The following DHRS4L2 variants were observed in gnomAD, a reference collection of about 807,000 sequenced individuals.
DHRS4L2 encodes dehydrogenase/reductase SDR family member 4-like 2.
A neutral mutation model predicts 23.9 loss-of-function variants in DHRS4L2; 22 were observed. The observed-to-expected ratio is 0.92, with a 90% CI of 0.66 to 1.31. The LOEUF (loss-of-function observed/expected upper bound fraction) is 1.31, where lower values mean the gene tolerates loss of function less well. Ranked by LOEUF, DHRS4L2 falls within the 40% of genes most tolerant of loss-of-function variation. DHRS4L2 has a pLI of 0.00. For missense variants in DHRS4L2, 385 were observed against 303.3 expected, an observed-to-expected ratio of 1.27 and a Z score of -2.00; for synonymous variants, 141 against 123.7, an observed-to-expected ratio of 1.14 and a Z score of -0.93.
intron 1 of DHRS4L2, among the ~76,000 whole-genome samples, chr14:23,983,308 A>T (rs544833274): frequency 5.3e-5 from 8 of 151,816 alleles, no homozygotes; most frequent in Non-Finnish European, 1.0e-4. Flanking sequence ...CATTAGAGAC[A>T]TGCAAATCAA....
At chr14:23,998,988 CA>C (rs1321889987) in intron 3 of DHRS4L2, among the ~76,000 whole-genome samples, 1 of 149,334 alleles carries the variant, frequency 6.7e-6, no homozygotes, top group African/African-American at 2.5e-5. Context: ...TTTGCTTAAA[CA>C]CTTACAAGCC....
chr14:23,992,387 A>G (rs1175868122), intron 2 of DHRS4L2, among the ~76,000 whole-genome samples: 4 of 151,574 alleles, frequency 2.6e-5, no homozygotes, highest in Non-Finnish European at 5.9e-5. Flanking sequence ...TTGTATGACC[A>G]TTGTCAGAGA....
At chr14:23,988,631 G>A (rs2034196286), upstream of DHRS4L2, 3 of 374,386 alleles carry the variant, frequency 8.0e-6, no homozygotes, top group Non-Finnish European at 8.8e-6. Context: ...ACAAGCAGAT[G>A]CAGAAGGGCA....
At position 23,990,285 on chromosome 14, in the gene DHRS4L2, G is replaced by C; in HGVS notation, c.232G>C (p.Gly78Arg). 4 of 1,612,572 alleles carry C rather than the reference G, an allele frequency of 2.5e-6. No homozygotes were observed. Among genetic ancestry groups the C allele is most frequent in the Non-Finnish European group, 3.4e-6 (4 of 1,179,272 alleles). ...GGACCAGGCGGTGGCCACGCTGCAGGGGGAGGGGCTGAGCGTGACGGGCAC... is the reference window on the plus strand; with the variant it reads ...GGACCAGGCGGTGGCCACGCTGCAGCGGGAGGGGCTGAGCGTGACGGGCAC... ...NVDQAVATLQ[G>R]EGLSVTGTVC... Residue 78 changes from glycine to arginine, a missense_variant, in exon 2 of 8, where the codon GGG becomes CGG. Gly to Arg is a moderately radical substitution (Grantham distance 125). Transcript: ENST00000335125.
chr14:23,988,714 G>A (rs72692115), upstream of DHRS4L2: 34,618 of 1,247,858 alleles, frequency 0.028, 741 homozygotes, highest in Non-Finnish European at 0.032. Flanking sequence ...AACGGAGAGC[G>A]CTTTGATCAC....
In DHRS4L2 at chr14:24,006,096, C is replaced by G. The variant is rs906950039; in HGVS notation, c.*233C>G. On this transcript the variant is annotated 3_prime_UTR_variant, in exon 8 of 8. Transcript: ENST00000335125. ...GCCTTTCCCACCTCTGCTCACCTTA[C>G]TGTTCACCTCATCAAATCAGTTCTG... The G allele has an allele frequency of 1.4e-6, 2 of 1,459,766 alleles. No individual in the cohort carries two copies. The highest frequency in any genetic ancestry group is 1.5e-5 in the African/African-American group (1 of 68,066). The allele number at this position is 1,459,766 out of a possible 1,614,324, so 90.4% of individuals were successfully genotyped here.
Position 24,005,973 on chromosome 14 carries a change from G to A in DHRS4L2, c.*110G>A, listed in dbSNP as rs777326091. ...ACATCACTGGGGAAACAGTGGTGGT[G>A]GGTGGAGGAACCCCGTCCCGCCTCT... is the stretch of plus-strand genomic sequence containing the variant. On this transcript the variant is annotated 3_prime_UTR_variant, in exon 8 of 8. Coordinates refer to ENST00000335125, the MANE Select transcript of DHRS4L2 (RefSeq NM_198083.4). 1.2e-5 allele frequency: 20 copies of A among 1,611,016 alleles called. No homozygotes were observed. Among genetic ancestry groups the A allele is most frequent in the Non-Finnish European group, 1.6e-5 (19 of 1,179,026 alleles).
upstream of DHRS4L2, chr14:23,988,874 C>G: frequency 6.4e-7 from 1 of 1,557,088 alleles, no homozygotes; most frequent in South Asian, 1.2e-5. Flanking sequence ...GCGGCCCGCC[C>G]TTCGTCCTGC....
intron 1 of DHRS4L2, among the ~76,000 whole-genome samples, chr14:23,970,693 C>A (rs2033837356): frequency 1.3e-5 from 2 of 152,022 alleles, no homozygotes; most frequent in Admixed American, 1.3e-4. Context: ...CCCCATGTAG[C>A]TTGACTGAAA....
chr14:23,997,796 G>A (rs2034410772), intron 3 of DHRS4L2, among the ~76,000 whole-genome samples: 1 of 151,532 alleles, frequency 6.6e-6, no homozygotes, highest in Non-Finnish European at 1.5e-5. Flanking sequence ...ATGAGGGTTG[G>A]AATCAACTTC....
intron 1 of DHRS4L2, 103 bp from the exon 2 acceptor site, chr14:23,990,079 A>G: frequency 6.5e-7 from 1 of 1,540,844 alleles, no homozygotes; most frequent in South Asian, 1.2e-5. Flanking sequence ...TATATAGAGA[A>G]AGAGCCAGAA....
chr14:23,984,945 GC>G (rs2034114511), upstream of DHRS4L2, among the ~76,000 whole-genome samples: 1 of 151,456 alleles, frequency 6.6e-6, no homozygotes. Flanking sequence ...GGGAACAAGG[GC>G]CCTGAGCTTC....
At chr14:23,993,277 G>T (rs1011611212) in intron 2 of DHRS4L2, among the ~76,000 whole-genome samples, 1 of 151,652 alleles carries the variant, frequency 6.6e-6, no homozygotes, top group East Asian at 1.9e-4. Context: ...AATTTAAAGG[G>T]TGCAAGAAAG....
intron 1 of DHRS4L2, among the ~76,000 whole-genome samples, chr14:23,974,646 T>C (rs1275154076): frequency 1.3e-5 from 2 of 151,836 alleles, no homozygotes; most frequent in Non-Finnish European, 2.9e-5. Flanking sequence ...CTAGAAAACC[T>C]AGAAGAATTG....
chr14:23,970,027 T>C (rs531631702), exon 1 of DHRS4L2: 10 of 456,088 alleles, frequency 2.2e-5, no homozygotes, highest in South Asian at 6.1e-5. Flanking sequence ...GAGTCTAGCA[T>C]GTGCGGCTGC....
rs552821685 is a variant in DHRS4L2 at position 24,006,121 on chromosome 14, G to A, written c.*258G>A. ...CTGTTCACCTCATCAAATCAGTTCT[G>A]CCCTGTGAAAAGATCCAGCCTTCCC... is the stretch of plus-strand genomic sequence containing the variant. On this transcript the variant is annotated 3_prime_UTR_variant, in exon 8 of 8. Transcript: ENST00000335125. 69 of 1,283,880 alleles carry A rather than the reference G, an allele frequency of 5.4e-5. No individual in the cohort carries two copies. In the East Asian group the frequency reaches 1.7e-3, roughly 32 times the overall value. 79.5% of individuals were successfully genotyped at this position (1,283,880 alleles called of 1,614,324 possible).
chr14:23,987,861 T>G (rs1267790888), upstream of DHRS4L2, among the ~76,000 whole-genome samples: 1 of 151,382 alleles, frequency 6.6e-6, no homozygotes, highest in Non-Finnish European at 1.5e-5. Flanking sequence ...TACTTACCTT[T>G]GGGTCTGTTG....
At chr14:23,977,772 A>G (rs966779637) in intron 1 of DHRS4L2, among the ~76,000 whole-genome samples, 1 of 151,604 alleles carries the variant, frequency 6.6e-6, no homozygotes, top group African/African-American at 2.4e-5. Context: ...CCCTTGTTGT[A>G]TATTAATTTC....
chr14:23,980,323 C>CA (rs1186735361), intron 1 of DHRS4L2, among the ~76,000 whole-genome samples: 4 of 87,788 alleles, frequency 4.6e-5, no homozygotes, highest in Admixed American at 1.4e-4. Context: ...GCCTATCAAA[C>CA]AAAAAAAAGC....
Sources: allele counts gnomAD v4.1 joint callset (sites outside exome capture counted in the v4.1 genomes callset), GRCh38; gene constraint gnomAD v4.1.1; transcripts MANE v1.5; gene names NCBI Gene and HGNC (gene_info 2026-07-23, HGNC 2026-07-21).